Variants in SLC35F3 observed in about 807,000 individuals in gnomAD.
SLC35F3 encodes the protein solute carrier family 35 member F3.
SLC35F3 carries 25 observed loss-of-function variants against 49.9 expected under a neutral mutation model. The ratio of observed to expected loss-of-function variants is 0.50; its 90% CI spans 0.37 to 0.70. The LOEUF is 0.70. SLC35F3 is among the 30% of genes least tolerant of loss of function. The pLI is 0.00. For missense variants in SLC35F3, 525 were observed against 639.8 expected, an observed-to-expected ratio of 0.82 and a Z score of 1.94; for synonymous variants, 275 against 265.4, an observed-to-expected ratio of 1.04 and a Z score of -0.35.
intron 2 of SLC35F3, among the ~76,000 whole-genome samples, chr1:234,181,916 G>T (rs942541696): frequency 2.6e-5 from 4 of 152,058 alleles, no homozygotes; most frequent in African/African-American, 9.7e-5. Flanking sequence ...TTCATTAATT[G>T]ATCAGAGATT....
At chr1:233,940,377 G>C (rs1409744320) in intron 2 of SLC35F3, among the ~76,000 whole-genome samples, 1 of 151,270 alleles carries the variant, frequency 6.6e-6, no homozygotes, top group African/African-American at 2.4e-5. Context: ...CACAGAGAGA[G>C]AGAGAGAGAG....
intron 2 of SLC35F3, among the ~76,000 whole-genome samples, chr1:233,954,011 T>TC: frequency 6.6e-6 from 1 of 151,054 alleles, no homozygotes; most frequent in East Asian, 1.9e-4. Context: ...AGAGCCTCTT[T>TC]TTTTTTTTTT....
At chr1:234,073,563 A>T (rs560721665) in intron 2 of SLC35F3, among the ~76,000 whole-genome samples, 2 of 152,310 alleles carry the variant, frequency 1.3e-5, no homozygotes, top group Non-Finnish European at 2.9e-5. Context: ...TGAACAAACC[A>T]TTCAGCCTAT....
chr1:234,164,505 T>C (rs1439925333), intron 2 of SLC35F3, among the ~76,000 whole-genome samples: 1 of 151,964 alleles, frequency 6.6e-6, no homozygotes, highest in African/African-American at 2.4e-5. Flanking sequence ...GCAAGTACCA[T>C]CCACCACCTT....
intron 2 of SLC35F3, among the ~76,000 whole-genome samples, chr1:234,007,603 G>T (rs532878579): frequency 1.3e-5 from 2 of 152,300 alleles, no homozygotes; most frequent in East Asian, 1.9e-4. Flanking sequence ...CTATTCACTT[G>T]TATATTAAGT....
At chr1:234,090,709 T>C (rs1448905981) in intron 2 of SLC35F3, among the ~76,000 whole-genome samples, 1 of 152,168 alleles carries the variant, frequency 6.6e-6, no homozygotes, top group Non-Finnish European at 1.5e-5. Context: ...AAGGACACTT[T>C]TTGGGTTCCT....
At chr1:234,044,478 T>C (rs755774500) in intron 2 of SLC35F3, among the ~76,000 whole-genome samples, 63 of 152,198 alleles carry the variant, frequency 4.1e-4, no homozygotes, top group Non-Finnish European at 7.9e-4. Flanking sequence ...AATTGTCCTG[T>C]TGAAAGAAAT....
intron 2 of SLC35F3, among the ~76,000 whole-genome samples, chr1:234,117,912 ATGTGTGTGTGTGTGTGTG>A (rs370186911): frequency 0.14 from 15,499 of 113,832 alleles, 2,082 homozygotes; most frequent in African/African-American, 0.29. Context: ...AAGACTATAT[ATGTGTGTGTGTGTGTGTG>A]TGTGTGTGTG....
At chr1:234,294,616 TA>T (rs1158831297) in intron 3 of SLC35F3, among the ~76,000 whole-genome samples, 1 of 152,248 alleles carries the variant, frequency 6.6e-6, no homozygotes, top group African/African-American at 2.4e-5. Context: ...ACCCACTTGC[TA>T]AACTTTCTGG....
chr1:234,203,271 CAG>C (rs1418869853), intron 2 of SLC35F3, among the ~76,000 whole-genome samples: 1 of 152,160 alleles, frequency 6.6e-6, no homozygotes, highest in Admixed American at 6.5e-5. Flanking sequence ...TTTTAAAAAA[CAG>C]AAATTGTCAA....
chr1:234,291,259 G>A (rs535551176), intron 3 of SLC35F3, among the ~76,000 whole-genome samples: 5 of 152,126 alleles, frequency 3.3e-5, no homozygotes, highest in Non-Finnish European at 7.4e-5. Flanking sequence ...ACACATTAGG[G>A]GAACTTGTTA....
chr1:234,241,914 T>C (rs1667560035), intron 3 of SLC35F3, among the ~76,000 whole-genome samples: 1 of 152,158 alleles, frequency 6.6e-6, no homozygotes, highest in Non-Finnish European at 1.5e-5. Flanking sequence ...TTATTGCTGT[T>C]CATCATCCAG....
intron 2 of SLC35F3, among the ~76,000 whole-genome samples, chr1:233,938,245 C>T (rs1433316677): frequency 6.6e-6 from 1 of 152,186 alleles, no homozygotes; most frequent in East Asian, 1.9e-4. Context: ...CAATAAAGCT[C>T]ATCCCTCAAA....
intron 3 of SLC35F3, among the ~76,000 whole-genome samples, chr1:234,240,074 A>G (rs1667529880): frequency 6.6e-6 from 1 of 152,168 alleles, no homozygotes; most frequent in Non-Finnish European, 1.5e-5. Flanking sequence ...GGATACCAAA[A>G]CTCATTCAAA....
At chr1:234,289,191 C>T (rs929990367) in intron 3 of SLC35F3, among the ~76,000 whole-genome samples, 2 of 152,192 alleles carry the variant, frequency 1.3e-5, no homozygotes, top group African/African-American at 4.8e-5. Context: ...TACAAAAAGC[C>T]TTTGTCTCTG....
chr1:234,158,207 C>T (rs1666180153), intron 2 of SLC35F3, among the ~76,000 whole-genome samples: 1 of 152,142 alleles, frequency 6.6e-6, no homozygotes, highest in African/African-American at 2.4e-5. Context: ...GTCCTGCAAG[C>T]CATCTTATTG....
rs563261460 is a variant in SLC35F3 at position 234,019,483 on chromosome 1, G to A, written c.283+113725G>A. ...CGGGCTGGAAGCTCAAGAAAGAGTC[G>A]ATGTTGCAGCTTGAGTCTGAAGGCC... On this transcript the variant is annotated intron_variant, in intron 2 of 7. Transcript: ENST00000366618. 3.2e-4 allele frequency among the ~76,000 whole-genome samples: 49 copies of A among 152,268 alleles called. 1 individual carries two copies. Among genetic ancestry groups the A allele is most frequent in the Admixed American group, 1.2e-3 (18 of 15,308 alleles).
intron 2 of SLC35F3, among the ~76,000 whole-genome samples, chr1:233,925,893 G>A (rs578259867): frequency 2.2e-4 from 34 of 152,194 alleles, no homozygotes; most frequent in Non-Finnish European, 2.9e-4. Context: ...CACTTATGAT[G>A]CTTAGTTTGG....
intron 2 of SLC35F3, among the ~76,000 whole-genome samples, chr1:233,922,541 A>G (rs543980355): frequency 7.8e-4 from 90 of 115,046 alleles, no homozygotes; most frequent in African/African-American, 2.9e-3. Context: ...TAGATTCTGG[A>G]TATTAGCCCT....
Sources: allele counts gnomAD v4.1 joint callset (sites outside exome capture counted in the v4.1 genomes callset), GRCh38; gene constraint gnomAD v4.1.1; transcripts MANE v1.5; gene names NCBI Gene and HGNC (gene_info 2026-07-23, HGNC 2026-07-21).